The following PHAF1 variants were observed in gnomAD, a reference collection of about 807,000 sequenced individuals.
PHAF1 encodes phagophore assembly factor 1, also known as phagosome assembly factor 1.
PHAF1 carries 23 observed loss-of-function variants against 63.1 expected under a neutral mutation model. The ratio of observed to expected loss-of-function variants is 0.36; its 90% CI spans 0.26 to 0.52. The LOEUF (loss-of-function observed/expected upper bound fraction) is 0.52. Ranked by LOEUF, PHAF1 falls within the 20% of genes least tolerant of loss-of-function variation. PHAF1 has a pLI of 0.93. For missense variants in PHAF1, 427 were observed against 517.2 expected (o/e 0.83, Z 1.69); for synonymous variants, 167 against 185.0 (o/e 0.90, Z 0.79).
Position 67,131,319 on chromosome 16 carries a change from T to C in PHAF1, c.265T>C (p.Leu89=), listed in dbSNP as rs1963391662. Residue 89 remains leucine, a synonymous_variant, in exon 4 of 16, where the codon TTA becomes CTA. Transcript: ENST00000219139. ...AGTATGTGATTTGACTAAAGTAAAG[T>C]TAAAATATTGGTAAGTTTTCTCCCC... ...IEVCDLTKVK[L]KYCGVHFNSQ... 6.3e-7 allele frequency: 1 copy of C among 1,596,512 alleles called. No homozygotes were observed. The highest frequency in any genetic ancestry group is 1.3e-5 in the African/African-American group (1 of 74,386).
intron 8 of PHAF1, among the ~76,000 whole-genome samples, chr16:67,138,564 A>C (rs553930745): frequency 6.6e-6 from 1 of 152,164 alleles, no homozygotes; most frequent in East Asian, 1.9e-4. Context: ...CCCCCTCCAC[A>C]AAATGGGGAA....
At chr16:67,111,011 C>A (rs972251789) in intron 1 of PHAF1, among the ~76,000 whole-genome samples, 1 of 152,124 alleles carries the variant, frequency 6.6e-6, no homozygotes, top group Admixed American at 6.6e-5. Context: ...GAGGTTTCAC[C>A]ATGTTGACCA....
At chr16:67,135,514 G>C (rs1236447941) in intron 8 of PHAF1, 1 of 152,006 alleles carries the variant, frequency 6.6e-6, no homozygotes, top group Non-Finnish European at 1.5e-5. Flanking sequence ...GCCTCATTCT[G>C]TCATCCAGGC....
rs2030262811 is a variant in PHAF1, at chr16:67,148,189, G to A, written c.*1058G>A. ...TGTGAGTTTTTCAAATGTGTGTACA[G>A]ATTTTTGTAAATATGACTCTTTTGT... On this transcript the variant is annotated 3_prime_UTR_variant, in exon 16 of 16. Coordinates refer to ENST00000219139, the MANE Select transcript of PHAF1 (RefSeq NM_025187.5). 6.5e-6 allele frequency: 1 copy of A among 152,672 alleles called. No individual in the cohort carries two copies. The highest frequency in any genetic ancestry group is 1.5e-5 in the Non-Finnish European group (1 of 68,052). The allele number at this position is 152,672 out of a possible 1,614,324, so 9.5% of individuals were successfully genotyped here.
At chr16:67,132,733 C>T (rs1266895648) in intron 5 of PHAF1, 84 bp from the exon 6 acceptor site, 2 of 1,301,718 alleles carry the variant, frequency 1.5e-6, no homozygotes, top group Non-Finnish European at 2.2e-6. Flanking sequence ...TGTTGTCAGT[C>T]ATTACTCCCT....
At chr16:67,122,424 G>A (rs1408282463) in intron 2 of PHAF1, among the ~76,000 whole-genome samples, 1 of 151,904 alleles carries the variant, frequency 6.6e-6, no homozygotes, top group Admixed American at 6.6e-5. Context: ...ACCAGCCAGG[G>A]CAACATAAAA....
chr16:67,143,790 G>A lies in PHAF1; in HGVS notation c.880-504G>A, dbSNP rs1356795988. ...GTGTTGAGAGGTAACACACATGACA[G>A]AAAAGATAAGGTATGGGGCCAGGCA... is the stretch of plus-strand genomic sequence containing the variant. On this transcript the variant is annotated intron_variant, in intron 10 of 15. Coordinates refer to ENST00000219139, the MANE Select transcript of PHAF1 (RefSeq NM_025187.5). Among the ~76,000 whole-genome samples the A allele has an allele frequency of 2.0e-5, 3 of 152,054 alleles. No individual in the cohort carries two copies. The East Asian group carries it at 5.8e-4, about 30-fold the overall frequency.
At chr16:67,111,982 C>T (rs1444447337) in intron 1 of PHAF1, among the ~76,000 whole-genome samples, 1 of 152,152 alleles carries the variant, frequency 6.6e-6, no homozygotes, top group East Asian at 1.9e-4. Context: ...ACCACTCCTG[C>T]AGAGTTCTTT....
At chr16:67,126,595 G>GTTT (rs60445297) in intron 3 of PHAF1, among the ~76,000 whole-genome samples, 14 of 134,202 alleles carry the variant, frequency 1.0e-4, no homozygotes, top group African/African-American at 2.5e-4. Context: ...TTTGTTTTTG[G>GTTT]TTTTTTTTTT....
intron 2 of PHAF1, among the ~76,000 whole-genome samples, chr16:67,121,558 TC>T (rs1482975821): frequency 6.6e-6 from 1 of 151,512 alleles, no homozygotes; most frequent in African/African-American, 2.4e-5. Context: ...AAGTGGATTC[TC>T]GTTAATTAAA....
In PHAF1 at chr16:67,136,574, T is replaced by C. The variant is rs1356393960; in HGVS notation, c.661+2107T>C. ...GATTCCTTTTTTTTTTTTTTTTTTT[T>C]TTTTTTTGCTTCTTTTTTCTTTCTT... On this transcript the variant is annotated intron_variant, in intron 8 of 15. Transcript: ENST00000219139. 5.5e-5 allele frequency among the ~76,000 whole-genome samples: 8 copies of C among 146,626 alleles called. 1 individual carries two copies. The highest frequency in any genetic ancestry group is 4.1e-4 in the Admixed American group (6 of 14,696).
intron 3 of PHAF1, among the ~76,000 whole-genome samples, chr16:67,127,047 C>G (rs1037908990): frequency 2.0e-5 from 3 of 151,656 alleles, no homozygotes; most frequent in Non-Finnish European, 4.4e-5. Context: ...TGCCACTACG[C>G]CCAGCTAATT....
At chr16:67,119,047 A>G (rs1322298598) in intron 1 of PHAF1, among the ~76,000 whole-genome samples, 1 of 152,084 alleles carries the variant, frequency 6.6e-6, no homozygotes, top group Non-Finnish European at 1.5e-5. Context: ...AAGTGTTGGG[A>G]TTACAGGCAT....
chr16:67,146,239 CTCTG>C, intron 14 of PHAF1, 35 bp from the exon 15 acceptor site: 2 of 1,581,584 alleles, frequency 1.3e-6, no homozygotes, highest in Non-Finnish European at 1.7e-6. Context: ...AGGCCGTGGC[CTCTG>C]TCTGCCTCTC....
chr16:67,135,339 G>C (rs1963568461), intron 8 of PHAF1: 1 of 152,144 alleles, frequency 6.6e-6, no homozygotes, highest in Non-Finnish European at 1.5e-5. Context: ...GTAGAGACAG[G>C]GTTTCACCAT....
intron 12 of PHAF1, 50 bp from the exon 13 acceptor site, chr16:67,145,326 C>T (rs771195650): frequency 1.2e-6 from 2 of 1,605,294 alleles, no homozygotes; most frequent in Non-Finnish European, 1.7e-6. Flanking sequence ...GCTGGGGCCA[C>T]AGGTAGGCTG....
chr16:67,139,865 G>A, intron 8 of PHAF1, 119 bp from the exon 9 acceptor site: 3 of 1,158,664 alleles, frequency 2.6e-6, no homozygotes, highest in South Asian at 2.9e-5. Flanking sequence ...ATTGCATGCA[G>A]TCTTGCCCCT....
At chr16:67,121,220 C>T (rs1331304726) in intron 2 of PHAF1, among the ~76,000 whole-genome samples, 2 of 150,208 alleles carry the variant, frequency 1.3e-5, no homozygotes, top group African/African-American at 4.9e-5. Context: ...GATGGAGTCT[C>T]GCTCTGTCGC....
intron 8 of PHAF1, chr16:67,134,950 G>GT: frequency 3.0e-6 from 1 of 331,358 alleles, no homozygotes; most frequent in South Asian, 2.4e-5. Flanking sequence ...GATGTTTATG[G>GT]TTAAAGCTTT....
Sources: allele counts gnomAD v4.1 joint callset (sites outside exome capture counted in the v4.1 genomes callset), GRCh38; gene constraint gnomAD v4.1.1; transcripts MANE v1.5; gene names NCBI Gene and HGNC (gene_info 2026-07-23, HGNC 2026-07-21).